Variants in APBB1 observed in about 807,000 individuals in gnomAD.
APBB1 encodes amyloid beta precursor protein binding family B member 1, also known as adaptor protein FE65a2.
APBB1 carries 22 observed loss-of-function variants against 78.4 expected under a neutral mutation model. That is an observed-to-expected ratio of 0.28 (90% CI 0.20 to 0.40). The LOEUF is 0.40. Among genes scored for constraint, APBB1 ranks in the 10% least tolerant of loss-of-function variants. APBB1 has a pLI of 1.00. For missense variants in APBB1, 749 were observed against 932.4 expected, an observed-to-expected ratio of 0.80 and a Z score of 2.56; for synonymous variants, 369 against 372.7, an observed-to-expected ratio of 0.99 and a Z score of 0.12.
chr11:6,418,253 A>G (rs758687957), intron 1 of APBB1, among the ~76,000 whole-genome samples: 12 of 152,224 alleles, frequency 7.9e-5, no homozygotes, highest in Non-Finnish European at 1.6e-4. Context: ...GGTAAAGGAG[A>G]TAACAGTGTC....
rs1848632301 is a variant in APBB1, at chr11:6,403,371, C to T, written c.988G>A (p.Gly330Arg). The T allele has an allele frequency of 1.9e-6, 3 of 1,613,984 alleles. No individual in the cohort carries two copies. In the Admixed American group the frequency reaches 5.0e-5, roughly 27 times the overall value. ...GTCCCCTCCTCAGGTTCCTTCAGTC[C>T]CAGCTCCATTGGGGCCTCATCACTG... ...EPSDEAPMEL[G>R]LKEPEEGTLT... The change falls in exon 5 of 15, where the codon GGA (glycine) becomes AGA (arginine). Residue 330 changes from glycine (G) to arginine (R), a missense_variant. Gly to Arg is a moderately radical substitution (Grantham distance 125). Transcript: ENST00000609360. This position sits in a 1 kb window ranked among gnomAD's most constrained non-coding sequence, Gnocchi z 5.3.
rs368508811 is a variant in APBB1 at position 6,395,614 on chromosome 11, C to T, written c.2053G>A (p.Val685Ile). 1.6e-5 allele frequency: 26 copies of T among 1,597,770 alleles called. No homozygotes were observed. In the Admixed American group the frequency reaches 4.3e-4, roughly 26 times the overall value. The change falls in exon 15 of 15, where the codon GTA becomes ATA. Residue 685 changes from valine to isoleucine, a missense_variant. This residue lies in a region of APBB1 where 96 missense variants were observed against 116.0 expected (regional missense o/e 0.83). Coordinates refer to ENST00000609360, the MANE Select transcript of APBB1 (RefSeq NM_001164.5). This position sits in a 1 kb window ranked among gnomAD's most constrained non-coding sequence, Gnocchi z 5.2. ...ACACCCCTGCGGACAGTCCACCCTACACGCCGTGCCACAGACTCAGCAGGG... is the reference window on the plus strand; with the variant it reads ...ACACCCCTGCGGACAGTCCACCCTATACGCCGTGCCACAGACTCAGCAGGG... ...APPAESVARR[V>I]GWTVRRGVQS...
intron 2 of APBB1, chr11:6,405,560 C>G: frequency 3.0e-6 from 3 of 985,996 alleles, no homozygotes; most frequent in Non-Finnish European, 3.6e-6. Context: ...GCTGGGCAAC[C>G]AGACACAGCA....
chr11:6,407,850 G>A (rs1000725049), intron 2 of APBB1, among the ~76,000 whole-genome samples: 1 of 150,556 alleles, frequency 6.6e-6, no homozygotes, highest in African/African-American at 2.5e-5. Flanking sequence ...CGCAATCTCG[G>A]CTCACTGCAA....
chr11:6,413,661 G>C (rs1849040485), intron 1 of APBB1, among the ~76,000 whole-genome samples: 1 of 151,476 alleles, frequency 6.6e-6, no homozygotes. Context: ...AGTAGAGATA[G>C]GGTTTCACCA....
chr11:6,417,831 A>T (rs1032049380), intron 1 of APBB1, among the ~76,000 whole-genome samples: 1 of 152,234 alleles, frequency 6.6e-6, no homozygotes, highest in Non-Finnish European at 1.5e-5. Flanking sequence ...CATTTTTGAG[A>T]TTCGAAGGAA....
intron 6 of APBB1, 142 bp from the exon 7 acceptor site, chr11:6,402,867 G>T (rs1406211871): frequency 5.4e-6 from 6 of 1,107,162 alleles, no homozygotes; most frequent in African/African-American, 1.6e-5. Context: ...AGGGAGAGGG[G>T]GATGTGGTTA....
At chr11:6,413,132 G>T (rs1291943505) in intron 1 of APBB1, among the ~76,000 whole-genome samples, 3 of 151,738 alleles carry the variant, frequency 2.0e-5, no homozygotes, top group East Asian at 1.9e-4. Flanking sequence ...CCCGATTTCA[G>T]TTATTTCTCC....
In APBB1 at chr11:6,411,050, T is replaced by C. The variant is rs746857255; in HGVS notation, c.298A>G (p.Ser100Gly). ...AAGGGTGCCATCTCAGGCTCCTGGC[T>C]GGCCTCCTCCGCCAAGGTCAAGGTC... ...NVTLTLAEEA[S>G]QEPEMAPLGP... Residue 100 changes from serine to glycine, a missense_variant, in exon 2 of 15, where the codon AGC (serine) becomes GGC (glycine). Physicochemically the swap from Ser to Gly is moderately conservative, Grantham distance 56. Around this residue, in one of 3 missense-constraint regions of APBB1, gnomAD observed 635 missense variants for 765.0 expected, o/e 0.83. Transcript: ENST00000609360. This position sits in a 1 kb window ranked among gnomAD's most constrained non-coding sequence, Gnocchi z 5.2. 4.3e-6 allele frequency: 7 copies of C among 1,613,948 alleles called. No homozygotes were observed. The highest frequency in any genetic ancestry group is 2.2e-5 in the East Asian group (1 of 44,878).
At position 6,404,268 on chromosome 11, in the gene APBB1, AAC is replaced by A. The variant is rs546473590; in HGVS notation, c.722-448_722-447del. 2.2e-4 allele frequency among the ~76,000 whole-genome samples: 33 copies of A among 152,338 alleles called. No homozygotes were observed. In the East Asian group the frequency reaches 5.6e-3, roughly 26 times the overall value. ...TGCAGCCACAAACACCAGGGTATGC[AAC>A]ACAGAAAATGCCAGCACAGATGGCA... On this transcript the variant is annotated intron_variant, in intron 2 of 14. Transcript: ENST00000609360.
At position 6,401,704 on chromosome 11, in the gene APBB1, C is replaced by A; in HGVS notation, c.1389-16G>T. On this transcript the variant is annotated splice_polypyrimidine_tract_variant and intron_variant, in intron 9 of 14. Coordinates refer to ENST00000609360, the MANE Select transcript of APBB1 (RefSeq NM_001164.5). The surrounding 1 kb of genome is among the most constrained non-coding windows in gnomAD (Gnocchi z 4.5). ...GGCAAAGTCCCTGTTGGGGAAGGGG[C>A]ACCTCAGTGTCTCCCAGTACCATCC... 6.2e-7 allele frequency: 1 copy of A among 1,613,590 alleles called. No homozygotes were observed. The highest frequency in any genetic ancestry group is 1.1e-5 in the South Asian group (1 of 91,010).
chr11:6,399,229 A>C (rs1848376499), intron 12 of APBB1, among the ~76,000 whole-genome samples: 1 of 152,124 alleles, frequency 6.6e-6, no homozygotes, highest in Non-Finnish European at 1.5e-5. Flanking sequence ...ACAACCCAAT[A>C]ATGCCAAAAC....
In APBB1 at chr11:6,401,011, A is replaced by C. The variant is rs143081866; in HGVS notation, c.1650T>G (p.Asn550Lys). ...TACCAACAGGTTTAGCAACAGGTACATTCCCCAGGTAATAGACTTGGAACT... is the reference window on the plus strand; with the variant it reads ...TACCAACAGGTTTAGCAACAGGTACCTTCCCCAGGTAATAGACTTGGAACT... ...VQKFQVYYLGNVPVAKPVGVD... is the reference protein window; with the variant it reads ...VQKFQVYYLGKVPVAKPVGVD... Residue 550 changes from asparagine to lysine, a missense_variant, in exon 12 of 15, where the codon AAT (asparagine) becomes AAG (lysine). This residue lies in a region of APBB1 where 635 missense variants were observed against 765.0 expected (regional missense o/e 0.83). Transcript: ENST00000609360. The surrounding 1 kb of genome is among the most constrained non-coding windows in gnomAD (Gnocchi z 4.5). 6.2e-7 allele frequency: 1 copy of C among 1,614,162 alleles called. No homozygotes were observed. Among genetic ancestry groups the C allele is most frequent in the East Asian group, 2.2e-5 (1 of 44,880 alleles).
Position 6,402,713 on chromosome 11 carries a change from G to C in APBB1, c.1117C>G (p.Arg373Gly). Reference sequence around the variant, plus strand: ...GTCATCTCTACCCAGCCTAGGGAGCGCACGGCGAAACACTGCCAGACACAG... The same window carrying C: ...GTCATCTCTACCCAGCCTAGGGAGCCCACGGCGAAACACTGCCAGACACAG... The part of the protein sequence containing the change: ...TNPGIKCFAV[R>G]SLGWVEMTEE... Residue 373 changes from arginine to glycine, a missense_variant, in exon 7 of 15, where the codon CGC becomes GGC. Transcript: ENST00000609360. 1 of 1,614,074 alleles carries C rather than the reference G, an allele frequency of 6.2e-7. No individual in the cohort carries two copies. The highest frequency in any genetic ancestry group is 8.5e-7 in the Non-Finnish European group (1 of 1,179,980).
rs774506962 is a variant in APBB1 at position 6,395,646 on chromosome 11, G to T, written c.2021C>A (p.Pro674Gln). The T allele has an allele frequency of 6.3e-7, 1 of 1,595,534 alleles. No individual in the cohort carries two copies. Among genetic ancestry groups the T allele is most frequent in the Admixed American group, 1.7e-5 (1 of 58,308 alleles). The change falls in exon 15 of 15, where the codon CCA becomes CAA. Residue 674 changes from proline to glutamine, a missense_variant. Pro to Gln is a moderately conservative substitution (Grantham distance 76). Transcript: ENST00000609360. The surrounding 1 kb of genome is among the most constrained non-coding windows in gnomAD (Gnocchi z 5.2). ...ARSQASTSCL[P>Q]APPAESVARR... ...TGCCACAGACTCAGCAGGGGGTGCT[G>T]GGAGGCAGGAGGTGGAGGCCTGGGA...
At position 6,411,162 on chromosome 11, in the gene APBB1, T is replaced by A. The variant is rs1419905866; in HGVS notation, c.186A>T (p.Pro62=). 3.7e-6 allele frequency: 6 copies of A among 1,608,810 alleles called. No individual in the cohort carries two copies. In the African/African-American group the frequency reaches 8.0e-5, roughly 21 times the overall value. ...TTAGCCACTTGGCATTGGCAGGGCC[T>A]GGCTCAGGCCCACCACCCTCCCCCA... ...SAMGEGGGPE[P]GPANAKWLKE... is the part of the protein sequence containing the mutation. The change falls in exon 2 of 15, where the codon CCA becomes CCT. Residue 62 remains proline, a synonymous_variant. Transcript: ENST00000609360. This position sits in a 1 kb window ranked among gnomAD's most constrained non-coding sequence, Gnocchi z 5.2.
rs1848954273 is a variant in APBB1, at chr11:6,411,126, C to T, written c.222G>A (p.Gln74=). 1.2e-6 allele frequency: 2 copies of T among 1,611,598 alleles called. No individual in the cohort carries two copies. The highest frequency in any genetic ancestry group is 2.7e-5 in the African/African-American group (2 of 74,926). ...CCGTGGCGGCCCGCCGGAGCTGGTT[C>T]TGGCCCTCTTTTAGCCACTTGGCAT... ...PANAKWLKEG[Q]NQLRRAATAH... The change falls in exon 2 of 15, where the codon CAG becomes CAA. Residue 74 remains glutamine, a synonymous_variant. Transcript: ENST00000609360. The surrounding 1 kb of genome is among the most constrained non-coding windows in gnomAD (Gnocchi z 5.2).
At chr11:6,402,852 T>A in intron 6 of APBB1, 127 bp from the exon 7 acceptor site, 1 of 1,234,602 alleles carries the variant, frequency 8.1e-7, no homozygotes, top group Non-Finnish European at 1.1e-6. Flanking sequence ...AAACAGGATG[T>A]GGTTAGGGAG....
intron 1 of APBB1, among the ~76,000 whole-genome samples, chr11:6,418,340 G>A (rs1003065487): frequency 1.3e-5 from 2 of 152,228 alleles, no homozygotes; most frequent in African/African-American, 4.8e-5. Context: ...ACACAGAGTG[G>A]AGTGCTTTTA....
Sources: allele counts gnomAD v4.1 joint callset (sites outside exome capture counted in the v4.1 genomes callset), GRCh38; gene constraint gnomAD v4.1.1; regional missense constraint gnomAD v4.1.1; non-coding constraint Gnocchi (gnomAD v3.1); transcripts MANE v1.5; gene names NCBI Gene and HGNC (gene_info 2026-07-23, HGNC 2026-07-21).